CA5A: variants seen among roughly 807,000 people sequenced by gnomAD.
The protein encoded by CA5A is carbonic anhydrase 5A.
A neutral mutation model predicts 37.1 loss-of-function variants in CA5A; 28 were observed. That is an observed-to-expected ratio of 0.75 (90% CI 0.56 to 1.03). CA5A has a LOEUF of 1.03. Ranked by LOEUF, CA5A falls within the 50% of genes least tolerant of loss-of-function variation. The pLI is 0.00. For missense variants in CA5A, 444 were observed against 399.9 expected (o/e 1.11, Z -0.94); for synonymous variants, 171 against 158.4 (o/e 1.08, Z -0.60).
At chr16:87,910,736 C>A (rs1300474633) in intron 2 of CA5A, among the ~76,000 whole-genome samples, 2 of 151,836 alleles carry the variant, frequency 1.3e-5, no homozygotes, top group Non-Finnish European at 2.9e-5. Flanking sequence ...TGTTACCACA[C>A]CCCACTAATT....
intron 1 of CA5A, among the ~76,000 whole-genome samples, 180 bp from the exon 2 acceptor site, chr16:87,927,125 C>T (rs1433248709): frequency 6.6e-6 from 1 of 152,268 alleles, no homozygotes; most frequent in African/African-American, 2.4e-5. Context: ...GGGTACTCGC[C>T]TGCTCCTCTC....
chr16:87,904,069 C>CGGT (rs1377476629), intron 3 of CA5A, among the ~76,000 whole-genome samples: 1 of 152,126 alleles, frequency 6.6e-6, no homozygotes, highest in Non-Finnish European at 1.5e-5. Flanking sequence ...TAGCCGGGTA[C>CGGT]GGTGGCTCAC....
chr16:87,916,389 C>T (rs117669549), intron 2 of CA5A, among the ~76,000 whole-genome samples: 3,940 of 152,018 alleles, frequency 0.026, 66 homozygotes, highest in Non-Finnish European at 0.043. Flanking sequence ...TTAGGATGCT[C>T]GTATTTTAAA....
At chr16:87,891,682 T>C (rs1347594170) in intron 6 of CA5A, 117 bp downstream of exon 6, 12 of 949,748 alleles carry the variant, frequency 1.3e-5, no homozygotes, top group Non-Finnish European at 1.6e-5. Flanking sequence ...ATGCCCCAAA[T>C]GCATGAAAGA....
At chr16:87,934,436 C>T (rs1366275771) in intron 1 of CA5A, among the ~76,000 whole-genome samples, 3 of 152,198 alleles carry the variant, frequency 2.0e-5, no homozygotes, top group African/African-American at 7.2e-5. Context: ...GATGTGGTGG[C>T]GCATGCCTGT....
At chr16:87,915,160 C>T (rs559421168) in intron 2 of CA5A, among the ~76,000 whole-genome samples, 2 of 152,348 alleles carry the variant, frequency 1.3e-5, no homozygotes, top group African/African-American at 2.4e-5. Flanking sequence ...CCTTTGATCG[C>T]ATTTATCACT....
intron 2 of CA5A, among the ~76,000 whole-genome samples, chr16:87,915,525 A>ATTT (rs1162468866): frequency 5.9e-4 from 63 of 107,176 alleles, no homozygotes; most frequent in African/African-American, 1.6e-3. Flanking sequence ...CCTGTGTCAA[A>ATTT]ATTTTTTTTT....
At chr16:87,903,637 T>C (rs905691643) in intron 3 of CA5A, among the ~76,000 whole-genome samples, 2 of 152,184 alleles carry the variant, frequency 1.3e-5, no homozygotes, top group African/African-American at 4.8e-5. Context: ...TGTCCGGAGG[T>C]CACCTCTGGG....
At chr16:87,928,776 T>G (rs999118936) in intron 1 of CA5A, among the ~76,000 whole-genome samples, 4 of 135,576 alleles carry the variant, frequency 3.0e-5, no homozygotes, top group East Asian at 4.1e-4. Context: ...TTTTTTTTTT[T>G]TTTTTTTTTT....
chr16:87,925,179 G>A (rs1043103260), intron 2 of CA5A, among the ~76,000 whole-genome samples: 1 of 152,210 alleles, frequency 6.6e-6, no homozygotes, highest in Non-Finnish European at 1.5e-5. Flanking sequence ...TGGAGCTGTG[G>A]CTGCGGCTGC....
intron 5 of CA5A, chr16:87,893,602 G>C (rs1482591306): frequency 2.9e-6 from 2 of 696,866 alleles, no homozygotes; most frequent in Non-Finnish European, 2.4e-6. Flanking sequence ...CACAAGAGGG[G>C]AAGCTGACAG....
rs113888662 is a variant in CA5A, at chr16:87,892,193, C to T, written c.619-239G>A. The T allele has an allele frequency of 1.3e-4, 53 of 409,216 alleles. 1 individual carries two copies. Among genetic ancestry groups the T allele is most frequent in the African/African-American group, 9.4e-4 (45 of 48,094 alleles). The allele number at this position is 409,216 out of a possible 1,614,324, so 25.3% of individuals were successfully genotyped here. A position where few individuals can be genotyped will look rare whatever the true frequency, so the allele number is the denominator to read the frequency against. Reference sequence around the variant, plus strand: ...AATTACGTTACATTACACCAGCTTACGTTGGTGCTCACATTTTTCCTTTTG... The same window carrying T: ...AATTACGTTACATTACACCAGCTTATGTTGGTGCTCACATTTTTCCTTTTG... On this transcript the variant is annotated intron_variant, in intron 5 of 6. Coordinates refer to ENST00000649794, the MANE Select transcript of CA5A (RefSeq NM_001739.2).
chr16:87,929,686 C>A (rs1273760141), intron 1 of CA5A, among the ~76,000 whole-genome samples: 3 of 151,540 alleles, frequency 2.0e-5, no homozygotes, highest in African/African-American at 4.8e-5. Context: ...TCCTGGCTAA[C>A]ACCGTGAAAC....
chr16:87,901,977 G>T lies in CA5A; in HGVS notation c.556-3C>A. ...AGCGTCTGATGATGGGCCCCGAGCT[G>T]CATGGCAGACAAAGGAGGGGTTAGC... On this transcript the variant is annotated splice_region_variant and splice_polypyrimidine_tract_variant and intron_variant, in intron 4 of 6. Transcript: ENST00000649794. 1 of 1,613,364 alleles carries T rather than the reference G, an allele frequency of 6.2e-7. No homozygotes were observed. The highest frequency in any genetic ancestry group is 1.1e-5 in the South Asian group (1 of 91,072).
In CA5A at chr16:87,891,849, A is replaced by C. The variant is rs948447094; in HGVS notation, c.724T>G (p.Ser242Ala). The C allele has an allele frequency of 1.1e-5, 17 of 1,579,928 alleles. No individual in the cohort carries two copies. The highest frequency in any genetic ancestry group is 4.1e-5 in the African/African-American group (3 of 72,762). Reference sequence around the variant, plus strand: ...TCCTTCTGGATGATCCAGGTGACCGACTCGGTCAGCGGCGGGGTGGTGAGC... The same window carrying C: ...TCCTTCTGGATGATCCAGGTGACCGCCTCGGTCAGCGGCGGGGTGGTGAGC... ...GSLTTPPLTE[S>A]VTWIIQKEPV... is the part of the protein sequence containing the mutation. The change falls in exon 6 of 7, where the codon TCG (serine) becomes GCG (alanine). Residue 242 changes from serine (S) to alanine (A), a missense_variant. Coordinates refer to ENST00000649794, the MANE Select transcript of CA5A (RefSeq NM_001739.2).
At chr16:87,935,108 C>A (rs2056454190) in intron 1 of CA5A, among the ~76,000 whole-genome samples, 1 of 152,248 alleles carries the variant, frequency 6.6e-6, no homozygotes, top group African/African-American at 2.4e-5. Context: ...CGAGGCTCCA[C>A]CTCAGCAAGC....
At chr16:87,934,027 T>A (rs2056440138) in intron 1 of CA5A, among the ~76,000 whole-genome samples, 1 of 152,086 alleles carries the variant, frequency 6.6e-6, no homozygotes, top group African/African-American at 2.4e-5. Context: ...GTTGCCACAG[T>A]AAGAAATGGA....
chr16:87,893,125 C>CTTT (rs2055748539), intron 5 of CA5A: 9 of 523,264 alleles, frequency 1.7e-5, no homozygotes, highest in African/African-American at 6.1e-5. Flanking sequence ...TTTCTTTCTT[C>CTTT]CTTTCTTTCT....
intron 2 of CA5A, among the ~76,000 whole-genome samples, chr16:87,918,658 T>A (rs2144033945): frequency 6.6e-6 from 1 of 152,328 alleles, no homozygotes; most frequent in Admixed American, 6.5e-5. Flanking sequence ...TCTCTGCACC[T>A]TGTCCGCTCC....
Sources: gnomAD v4.1 joint callset for allele counts (sites outside exome capture counted in the v4.1 genomes callset) on GRCh38, gnomAD v4.1.1 for gene constraint, MANE v1.5 for transcripts, NCBI Gene and HGNC (gene_info 2026-07-23, HGNC 2026-07-21) for gene names.